WDR6: variants seen among roughly 807,000 people sequenced by gnomAD.
WDR6 encodes the protein WD repeat domain 6, also known as tRNA (34-2'-O)-methyltransferase regulator WDR6.
Under a neutral mutation model 85.6 loss-of-function variants are expected in WDR6, and 58 were observed. The ratio of observed to expected loss-of-function variants is 0.68; its 90% CI spans 0.55 to 0.84. WDR6 has a LOEUF of 0.84. Among genes scored for constraint, WDR6 ranks in the 40% least tolerant of loss-of-function variants. The probability of loss-of-function intolerance (pLI) is 0.00; values close to 1 mark genes in which losing one functional copy is unlikely to be tolerated. For missense variants in WDR6, 1,310 were observed against 1,476.4 expected (o/e 0.89, Z 1.85); for synonymous variants, 569 against 582.2 (o/e 0.98, Z 0.33).
In WDR6 at chr3:49,013,662, G is replaced by C; in HGVS notation, c.2128G>C (p.Val710Leu). 6.2e-7 allele frequency: 1 copy of C among 1,614,174 alleles called. No homozygotes were observed. Among genetic ancestry groups the C allele is most frequent in the Non-Finnish European group, 8.5e-7 (1 of 1,180,014 alleles). The change falls in exon 2 of 6, where the codon GTG (valine) becomes CTG (leucine). Residue 710 changes from valine to leucine, a missense_variant. By Grantham distance (32) the Val-to-Leu change is conservative. Coordinates refer to ENST00000608424, the MANE Select transcript of WDR6 (RefSeq NM_018031.6). The surrounding 1 kb of genome is among the most constrained non-coding windows in gnomAD (Gnocchi z 4.6). ...HGREITCVKRVGTITLGPEYG... is the reference protein window; with the variant it reads ...HGREITCVKRLGTITLGPEYG... Reference sequence around the variant, plus strand: ...CCGTGAGATCACTTGTGTAAAGCGTGTGGGCACCATTACCCTGGGGCCTGA... The same window carrying C: ...CCGTGAGATCACTTGTGTAAAGCGTCTGGGCACCATTACCCTGGGGCCTGA...
chr3:49,011,386 A>G (rs766568803), intron 1 of WDR6: 14 of 1,376,898 alleles, frequency 1.0e-5, no homozygotes, highest in Middle Eastern at 2.6e-4. Flanking sequence ...GCCGAGACCA[A>G]GGATTTTCTT....
At position 49,015,265 on chromosome 3, in the gene WDR6, G is replaced by A. The variant is rs151057381; in HGVS notation, c.3343G>A (p.Glu1115Lys). Residue 1115 changes from glutamate to lysine, a missense_variant, in exon 6 of 6, where the codon GAG becomes AAG. Physicochemically the swap from Glu to Lys is moderately conservative, Grantham distance 56 (BLOSUM62 1). Coordinates refer to ENST00000608424, the MANE Select transcript of WDR6 (RefSeq NM_018031.6). The stretch of plus-strand genomic sequence containing the variant: ...TTGTGCCCTTGGGGGTCAGGGGCTT[G>A]AGGTTTACAACTGGTATGACTGAGG... ...HRCALGGQGL[E>K]VYNWYD The A allele has an allele frequency of 1.3e-5, 21 of 1,611,474 alleles. No individual in the cohort carries two copies. The highest frequency in any genetic ancestry group is 1.7e-5 in the Non-Finnish European group (20 of 1,180,002).
At position 49,012,118 on chromosome 3, in the gene WDR6, A is replaced by C. The variant is rs1187657812; in HGVS notation, c.584A>C (p.Asp195Ala). 1.2e-6 allele frequency: 2 copies of C among 1,614,034 alleles called. No homozygotes were observed. The highest frequency in any genetic ancestry group is 2.7e-5 in the African/African-American group (2 of 74,956). The change falls in exon 2 of 6, where the codon GAC becomes GCC. Residue 195 changes from aspartate to alanine, a missense_variant. Transcript: ENST00000608424. The surrounding 1 kb of genome is among the most constrained non-coding windows in gnomAD (Gnocchi z 4.4). ...TGGTACCCAGCAACTGCCTTAGCAG[A>C]CAACAAACCTGTAGCACCTGACCGA... Reference protein sequence around the residue: ...LVWYPATALADNKPVAPDRRI... With the variant: ...LVWYPATALAANKPVAPDRRI...
rs1160264358 is a variant in WDR6 at position 49,014,949 on chromosome 3, C to T, written c.3027C>T (p.Val1009=). The T allele has an allele frequency of 1.2e-6, 2 of 1,614,066 alleles. No homozygotes were observed. The highest frequency in any genetic ancestry group is 2.7e-5 in the African/African-American group (2 of 74,918). Residue 1009 remains valine (V), a synonymous_variant, in exon 6 of 6, where the codon GTC becomes GTT. Coordinates refer to ENST00000608424, the MANE Select transcript of WDR6 (RefSeq NM_018031.6). This position sits in a 1 kb window ranked among gnomAD's most constrained non-coding sequence, Gnocchi z 4.9. ...GCAGTGAAGATGGATCCCTCCATGT[C>T]TTCGTGCTTGCTGTGGAGATGCTAC... The part of the protein sequence containing the change: ...ASGSEDGSLH[V]FVLAVEMLQL...
rs199567076 is a variant in WDR6, at chr3:49,015,905, C to A, written c.*617C>A. 1.2e-6 allele frequency: 2 copies of A among 1,614,086 alleles called. No individual in the cohort carries two copies. The highest frequency in any genetic ancestry group is 1.7e-6 in the Non-Finnish European group (2 of 1,180,048). ...CAGAGACTGAGTCACTGGCCCATCTCTTTGCTCTTGTGCCCCAGGCCAGAA... is the reference window on the plus strand; with the variant it reads ...CAGAGACTGAGTCACTGGCCCATCTATTTGCTCTTGTGCCCCAGGCCAGAA... On this transcript the variant is annotated 3_prime_UTR_variant, in exon 6 of 6. Transcript: ENST00000608424.
At position 49,015,858 on chromosome 3, in the gene WDR6, C is replaced by T. The variant is rs768067749; in HGVS notation, c.*570C>T. 1.2e-6 allele frequency: 2 copies of T among 1,614,182 alleles called. No homozygotes were observed. Among genetic ancestry groups the T allele is most frequent in the Admixed American group, 3.3e-5 (2 of 60,022 alleles). On this transcript the variant is annotated 3_prime_UTR_variant, in exon 6 of 6. Transcript: ENST00000608424. ...AGCTGAAATCCATGCTGAGCTGTAC[C>T]AGGAACTTGCATATCTAGAGACAGA...
In WDR6 at chr3:49,014,264, G is replaced by A; in HGVS notation, c.2637G>A (p.Val879=). 1 of 1,614,136 alleles carries A rather than the reference G, an allele frequency of 6.2e-7. No homozygotes were observed. The highest frequency in any genetic ancestry group is 2.2e-5 in the East Asian group (1 of 44,874). ...ACCAGCCCGGCCTTGGCCCCCTTGT[G>A]GCTGCAGCCTGTAGTGATGGGGCCG... ...ELDQPGLGPL[V]AAACSDGAVR... Residue 879 remains valine, a synonymous_variant, in exon 3 of 6, where the codon GTG becomes GTA. Transcript: ENST00000608424. This position sits in a 1 kb window ranked among gnomAD's most constrained non-coding sequence, Gnocchi z 4.9.
chr3:49,015,416 T>G lies in WDR6; in HGVS notation c.*128T>G. The G allele has an allele frequency of 2.1e-6, 3 of 1,415,024 alleles. No individual in the cohort carries two copies. The East Asian group carries it at 6.9e-5, about 33-fold the overall frequency. 87.7% of individuals were successfully genotyped at this position (1,415,024 alleles called of 1,614,324 possible). On this transcript the variant is annotated 3_prime_UTR_variant, in exon 6 of 6. Transcript: ENST00000608424. The stretch of plus-strand genomic sequence containing the variant: ...GGAGGTGGTGGCCGTGGGTTCCTGA[T>G]GTCGGTGCAGGAGCTGAAGGTGAGT...
chr3:49,014,934 T>C lies in WDR6; in HGVS notation c.3012T>C (p.Asp1004=), dbSNP rs926860658. ...ATCTCGTGGCCAGTGGCAGTGAAGA[T>C]GGATCCCTCCATGTCTTCGTGCTTG... The part of the protein sequence containing the change: ...GHHLVASGSE[D]GSLHVFVLAV... Residue 1004 remains aspartate (D), a synonymous_variant, in exon 6 of 6, where the codon GAT becomes GAC. Coordinates refer to ENST00000608424, the MANE Select transcript of WDR6 (RefSeq NM_018031.6). This position sits in a 1 kb window ranked among gnomAD's most constrained non-coding sequence, Gnocchi z 4.9. The C allele has an allele frequency of 1.9e-6, 3 of 1,614,008 alleles. No individual in the cohort carries two copies. The highest frequency in any genetic ancestry group is 2.7e-5 in the African/African-American group (2 of 74,904).
rs1302469457 is a variant in WDR6 at position 49,015,182 on chromosome 3, A to G, written c.3260A>G (p.His1087Arg). Residue 1087 changes from histidine (H) to arginine (R), a missense_variant, in exon 6 of 6, where the codon CAT becomes CGT. By Grantham distance (29) the His-to-Arg change is conservative. Transcript: ENST00000608424. ...ACCTTCATGAATAGCACTGTGTTCC[A>G]TGTGCCTGATGTGGCTGACATGGAC... ...EPTFMNSTVF[H>R]VPDVADMDCW... 3 of 1,613,764 alleles carry G rather than the reference A, an allele frequency of 1.9e-6. No homozygotes were observed. The highest frequency in any genetic ancestry group is 2.5e-6 in the Non-Finnish European group (3 of 1,180,034).
At position 49,012,404 on chromosome 3, in the gene WDR6, C is replaced by T; in HGVS notation, c.870C>T (p.Leu290=). The T allele has an allele frequency of 1.2e-6, 2 of 1,614,184 alleles. No individual in the cohort carries two copies. Among genetic ancestry groups the T allele is most frequent in the Admixed American group, 3.3e-5 (2 of 60,024 alleles). The part of the protein sequence containing the change: ...CLVWSHEGEI[L]QAFRGHQGRG... Reference sequence around the variant, plus strand: ...TGTGGAGCCATGAAGGTGAGATCCTCCAGGCCTTTCGGGGACACCAGGGAC... The same window carrying T: ...TGTGGAGCCATGAAGGTGAGATCCTTCAGGCCTTTCGGGGACACCAGGGAC... The change falls in exon 2 of 6, where the codon CTC becomes CTT. Residue 290 remains leucine, a synonymous_variant. Coordinates refer to ENST00000608424, the MANE Select transcript of WDR6 (RefSeq NM_018031.6). The surrounding 1 kb of genome is among the most constrained non-coding windows in gnomAD (Gnocchi z 4.4).
chr3:49,010,501 A>T (rs539678179), intron 1 of WDR6, among the ~76,000 whole-genome samples: 1 of 152,098 alleles, frequency 6.6e-6, no homozygotes, highest in Non-Finnish European at 1.5e-5. Flanking sequence ...GGATCACCGC[A>T]GGTCAGGAGT....
rs745868080 is a variant in WDR6 at position 49,015,064 on chromosome 3, G to A, written c.3142G>A (p.Val1048Met). The A allele has an allele frequency of 9.3e-6, 15 of 1,614,186 alleles. No individual in the cohort carries two copies. The East Asian group carries it at 2.7e-4, about 29-fold the overall frequency. ...YSVPCAHAAH[V>M]TGLKILSPSI... The stretch of plus-strand genomic sequence containing the variant: ...TGTCCCCTGTGCACATGCTGCCCAT[G>A]TGACAGGCCTCAAGATCCTAAGCCC... The change falls in exon 6 of 6, where the codon GTG becomes ATG. Residue 1048 changes from valine to methionine, a missense_variant. Physicochemically the swap from Val to Met is conservative, Grantham distance 21 (BLOSUM62 1). Transcript: ENST00000608424.
Position 49,013,774 on chromosome 3 carries a change from G to A in WDR6, c.2240G>A (p.Ser747Asn). 6.2e-7 allele frequency: 1 copy of A among 1,614,154 alleles called. No individual in the cohort carries two copies. Among genetic ancestry groups the A allele is most frequent in the Non-Finnish European group, 8.5e-7 (1 of 1,180,000 alleles). Residue 747 changes from serine (S) to asparagine (N), a missense_variant, in exon 2 of 6, where the codon AGT (serine) becomes AAT (asparagine). By Grantham distance (46) the Ser-to-Asn change is conservative (BLOSUM62 1). Transcript: ENST00000608424. This position sits in a 1 kb window ranked among gnomAD's most constrained non-coding sequence, Gnocchi z 4.6. ...TTGACTGACATTGTGATCACATGTA[G>A]TGAGGACACTACTGTCTGTGTCCTA... ...PDLTDIVITC[S>N]EDTTVCVLAL...
rs751018434 is a variant in WDR6, at chr3:49,014,086, A to G, written c.2552A>G (p.His851Arg). The G allele has an allele frequency of 3.7e-6, 6 of 1,613,352 alleles. No individual in the cohort carries two copies. The highest frequency in any genetic ancestry group is 3.4e-6 in the Non-Finnish European group (4 of 1,179,866). The change falls in exon 2 of 6, where the codon CAT (histidine) becomes CGT (arginine). Residue 851 changes from histidine (H) to arginine (R), a missense_variant. Coordinates refer to ENST00000608424, the MANE Select transcript of WDR6 (RefSeq NM_018031.6). This position sits in a 1 kb window ranked among gnomAD's most constrained non-coding sequence, Gnocchi z 4.9. The part of the protein sequence containing the change: ...DEYWDRQRNR[H>R]RMVKVDPETR... ...TATTGGGACCGGCAACGCAATCGGC[A>G]TCGGATGGTTAAGGTAGACCCAGAG...
In WDR6 at chr3:49,014,661, A is replaced by G. The variant is rs1244729410; in HGVS notation, c.2845A>G (p.Met949Val). 1.9e-6 allele frequency: 3 copies of G among 1,613,546 alleles called. No individual in the cohort carries two copies. Among genetic ancestry groups the G allele is most frequent in the Non-Finnish European group, 1.7e-6 (2 of 1,179,980 alleles). ...CCTGGCTTTCTGGGATCTCACCACC[A>G]TGCTAGACCATGACTCCACTGTCCT... ...GSLAFWDLTT[M>V]LDHDSTVLEP... The change falls in exon 5 of 6, where the codon ATG (methionine) becomes GTG (valine). Residue 949 changes from methionine to valine, a missense_variant. Transcript: ENST00000608424. The surrounding 1 kb of genome is among the most constrained non-coding windows in gnomAD (Gnocchi z 4.9).
Position 49,013,913 on chromosome 3 carries a change from T to C in WDR6, c.2379T>C (p.Asp793=), listed in dbSNP as rs1363925300. The change falls in exon 2 of 6, where the codon GAT becomes GAC. Residue 793 remains aspartate (D), a synonymous_variant. Coordinates refer to ENST00000608424, the MANE Select transcript of WDR6 (RefSeq NM_018031.6). The surrounding 1 kb of genome is among the most constrained non-coding windows in gnomAD (Gnocchi z 4.6). ...TTGGCACCCCAGGTGGCCCTCAGGA[T>C]CCTCAGCCAGGCCTGACTGCCCATG... ...WGIGTPGGPQ[D]PQPGLTAHVV... 5 of 1,613,470 alleles carry C rather than the reference T, an allele frequency of 3.1e-6. No homozygotes were observed. In the South Asian group the frequency reaches 5.5e-5, roughly 18 times the overall value.
Position 49,007,657 on chromosome 3 carries a change from G to C in WDR6, c.100+126G>C. The C allele has an allele frequency of 7.4e-7, 1 of 1,359,402 alleles. No individual in the cohort carries two copies. The highest frequency in any genetic ancestry group is 9.5e-7 in the Non-Finnish European group (1 of 1,050,144). 84.2% of individuals were successfully genotyped at this position (1,359,402 alleles called of 1,614,324 possible). On this transcript the variant is annotated intron_variant, in intron 1 of 5. Transcript: ENST00000608424. This position sits in a 1 kb window ranked among gnomAD's most constrained non-coding sequence, Gnocchi z 5.1. ...ACGGGCAGCAGGTTGAGGCCGATCG[G>C]AGGTGGGAAGGGAGCCCCGGAGATG...
chr3:49,007,423 A>G lies in WDR6; in HGVS notation c.-9A>G, dbSNP rs1324827850. The G allele has an allele frequency of 1.2e-6, 2 of 1,608,978 alleles. No individual in the cohort carries two copies. The highest frequency in any genetic ancestry group is 1.7e-5 in the Admixed American group (1 of 59,204). On this transcript the variant is annotated 5_prime_UTR_variant, in exon 1 of 6. Coordinates refer to ENST00000608424, the MANE Select transcript of WDR6 (RefSeq NM_018031.6). The surrounding 1 kb of genome is among the most constrained non-coding windows in gnomAD (Gnocchi z 5.1). Reference sequence around the variant, plus strand: ...TAGCCGTGGCTGCCTCAGCACCTCGAGGATCGACATGGACGCTCTCGAGGA... The same window carrying G: ...TAGCCGTGGCTGCCTCAGCACCTCGGGGATCGACATGGACGCTCTCGAGGA...
Sources: gnomAD v4.1 joint callset for allele counts (sites outside exome capture counted in the v4.1 genomes callset) on GRCh38, gnomAD v4.1.1 for gene constraint, Gnocchi (gnomAD v3.1) non-coding constraint, MANE v1.5 for transcripts, NCBI Gene and HGNC (gene_info 2026-07-23, HGNC 2026-07-21) for gene names.